OPCML: variants seen among roughly 807,000 people sequenced by gnomAD.
OPCML encodes the protein opioid-binding protein/cell adhesion molecule.
Under a neutral mutation model 37.8 loss-of-function variants are expected in OPCML, and 13 were observed. The ratio of observed to expected loss-of-function variants is 0.34; its 90% confidence interval spans 0.22 to 0.55. The LOEUF (loss-of-function observed/expected upper bound fraction) is 0.55, where lower values mean the gene tolerates loss of function less well. Ranked by LOEUF, OPCML falls within the 20% of genes least tolerant of loss-of-function variation. OPCML has a pLI of 0.91. For synonymous variants in OPCML, 176 were observed against 168.8 expected, an observed-to-expected ratio of 1.04 and a Z score of -0.33; for missense variants, 341 against 435.6, an observed-to-expected ratio of 0.78 and a Z score of 1.93.
intron 2 of OPCML, among the ~76,000 whole-genome samples, chr11:132,735,689 T>C (rs1945232165): frequency 6.6e-6 from 1 of 152,160 alleles, no homozygotes; most frequent in Non-Finnish European, 1.5e-5. Flanking sequence ...TTCACTATGT[T>C]AGCCAGGATG....
Position 133,063,585 on chromosome 11 carries a change from G to C in OPCML, c.62-120575C>G, listed in dbSNP as rs554403802. 3.6e-3 allele frequency among the ~76,000 whole-genome samples: 543 copies of C among 151,504 alleles called. 5 individuals carry two copies. Among genetic ancestry groups the C allele is most frequent in the African/African-American group, 0.013 (524 of 41,168 alleles). On this transcript the variant is annotated intron_variant, in intron 1 of 7. Coordinates refer to ENST00000524381, the MANE Select transcript of OPCML (RefSeq NM_001012393.5). ...AGCTGTTGGTTTTTTTTTTCGGAGG[G>C]AGTTTTGCTCTTGTCACCCAGGCTG...
At chr11:132,451,466 C>T (rs949083245) in intron 4 of OPCML, among the ~76,000 whole-genome samples, 1 of 152,148 alleles carries the variant, frequency 6.6e-6, no homozygotes, top group Non-Finnish European at 1.5e-5. Context: ...GGCCTGGGAT[C>T]AGTCCTTTAT....
intron 1 of OPCML, among the ~76,000 whole-genome samples, chr11:132,991,946 T>A (rs1292293250): frequency 1.1e-5 from 1 of 93,070 alleles, no homozygotes; most frequent in Non-Finnish European, 2.4e-5. Context: ...TTACAGCATG[T>A]GTGAGAGGGT....
intron 3 of OPCML, among the ~76,000 whole-genome samples, chr11:132,574,011 C>T (rs1372674685): frequency 6.6e-6 from 1 of 151,794 alleles, no homozygotes; most frequent in Non-Finnish European, 1.5e-5. Context: ...TTAATTGGCG[C>T]TTAATTGTTC....
intron 1 of OPCML, among the ~76,000 whole-genome samples, chr11:133,054,911 C>T (rs996817106): frequency 2.7e-5 from 4 of 150,792 alleles, no homozygotes; most frequent in East Asian, 2.0e-4. Context: ...ATGAGGGAGC[C>T]GCCTCTACCA....
Position 133,156,411 on chromosome 11 carries a change from G to C in OPCML, c.62-213401C>G, listed in dbSNP as rs115188711. Among the ~76,000 whole-genome samples, 676 of 152,264 alleles carry C rather than the reference G, an allele frequency of 4.4e-3. 2 individuals carry two copies. The highest frequency in any genetic ancestry group is 0.015 in the African/African-American group (643 of 41,542). ...TACCGCCACTGTCTGTGGGGAGGGC[G>C]AGCCCCTTCCTGACCCTTCTCTATG... On this transcript the variant is annotated intron_variant, in intron 1 of 7. Coordinates refer to ENST00000524381, the MANE Select transcript of OPCML (RefSeq NM_001012393.5).
At chr11:133,080,597 T>A (rs932738678) in intron 1 of OPCML, among the ~76,000 whole-genome samples, 2 of 151,682 alleles carry the variant, frequency 1.3e-5, no homozygotes, top group African/African-American at 4.8e-5. Flanking sequence ...GGGTGCCATA[T>A]TCACACATTT....
In OPCML at chr11:132,895,548, T is replaced by C. The variant is rs1045443522; in HGVS notation, c.146+47378A>G. Among the ~76,000 whole-genome samples, 5 of 152,274 alleles carry C rather than the reference T, an allele frequency of 3.3e-5. 1 individual carries two copies. The highest frequency in any genetic ancestry group is 3.9e-4 in the East Asian group (2 of 5,178). On this transcript the variant is annotated intron_variant, in intron 2 of 7. Coordinates refer to ENST00000524381, the MANE Select transcript of OPCML (RefSeq NM_001012393.5). ...GCTCCGCAGGCGTCTGTGGTTAAAG[T>C]GAGGCCATTGGTTGAGACAGAATGG... is the stretch of plus-strand genomic sequence containing the variant.
intron 1 of OPCML, among the ~76,000 whole-genome samples, chr11:133,234,796 T>C (rs1382071078): frequency 1.3e-5 from 2 of 152,182 alleles, no homozygotes; most frequent in Non-Finnish European, 2.9e-5. Context: ...TTTTGAAATA[T>C]CTGATTTGAA....
chr11:133,502,144 G>C (rs1947929291), intron 1 of OPCML, among the ~76,000 whole-genome samples: 1 of 152,152 alleles, frequency 6.6e-6, no homozygotes, highest in Non-Finnish European at 1.5e-5. Flanking sequence ...GCACAACTTT[G>C]CCCCGAGAGA....
chr11:133,472,213 A>C (rs945893364), intron 1 of OPCML, among the ~76,000 whole-genome samples: 1 of 152,168 alleles, frequency 6.6e-6, no homozygotes, highest in African/African-American at 2.4e-5. Context: ...TCCTCTGCAA[A>C]TGCCAGAAGC....
At chr11:132,870,826 TATCTGGA>T (rs1392580380) in intron 2 of OPCML, among the ~76,000 whole-genome samples, 1 of 152,204 alleles carries the variant, frequency 6.6e-6, no homozygotes, top group Non-Finnish European at 1.5e-5. Context: ...TTGTCACTTA[TATCTGGA>T]ATCTAAAAAA....
chr11:133,256,574 T>A (rs543723693), intron 1 of OPCML, among the ~76,000 whole-genome samples: 1 of 152,230 alleles, frequency 6.6e-6, no homozygotes, highest in Admixed American at 6.5e-5. Flanking sequence ...TCTAGAAGTA[T>A]GTGGGATGAT....
chr11:133,511,066 C>T (rs1214646128), intron 1 of OPCML, among the ~76,000 whole-genome samples: 4 of 152,192 alleles, frequency 2.6e-5, no homozygotes, highest in African/African-American at 9.6e-5. Context: ...CAACTTTATC[C>T]TTCCAATTGT....
chr11:133,529,739 G>T (rs1222915464), intron 1 of OPCML, among the ~76,000 whole-genome samples: 1 of 152,204 alleles, frequency 6.6e-6, no homozygotes, highest in Admixed American at 6.5e-5. Flanking sequence ...TGGCTAACGA[G>T]CTGGTATTAA....
At chr11:133,092,914 G>A (rs1488467843) in intron 1 of OPCML, among the ~76,000 whole-genome samples, 4 of 152,104 alleles carry the variant, frequency 2.6e-5, no homozygotes, top group African/African-American at 9.7e-5. Flanking sequence ...TTATCCCTGA[G>A]ACCCAGCTGC....
chr11:133,458,864 T>TACAC (rs1946790300), intron 1 of OPCML, among the ~76,000 whole-genome samples: 7 of 143,052 alleles, frequency 4.9e-5, no homozygotes, highest in South Asian at 2.1e-4. Flanking sequence ...TGTGTGTATA[T>TACAC]ATACACACAC....
At chr11:133,122,182 T>C (rs1949433046) in intron 1 of OPCML, among the ~76,000 whole-genome samples, 1 of 152,188 alleles carries the variant, frequency 6.6e-6, no homozygotes, top group Non-Finnish European at 1.5e-5. Flanking sequence ...CTGCACTGTG[T>C]TTCTGAAAAG....
At chr11:133,243,489 T>C (rs1940806445) in intron 1 of OPCML, among the ~76,000 whole-genome samples, 1 of 152,228 alleles carries the variant, frequency 6.6e-6, no homozygotes, top group Admixed American at 6.5e-5. Context: ...AGTGACTTAC[T>C]GTAAATGTGT....
Sources: gnomAD v4.1 joint callset for allele counts (sites outside exome capture counted in the v4.1 genomes callset) on GRCh38, gnomAD v4.1.1 for gene constraint, MANE v1.5 for transcripts, NCBI Gene and HGNC (gene_info 2026-07-23, HGNC 2026-07-21) for gene names.